The following DCC variants were observed in gnomAD, a reference collection of about 807,000 sequenced individuals.
DCC encodes DCC netrin 1 receptor.
A neutral mutation model predicts 172.5 loss-of-function variants in DCC; 58 were observed. The observed-to-expected ratio is 0.34, with a 90% CI of 0.27 to 0.42. The LOEUF (loss-of-function observed/expected upper bound fraction) is 0.42. Ranked by LOEUF, DCC falls within the 10% of genes least tolerant of loss-of-function variation. The probability of loss-of-function intolerance (pLI) is 1.00; values close to 1 mark genes in which losing one functional copy is unlikely to be tolerated. For synonymous variants in DCC, 709 were observed against 644.5 expected (o/e 1.10, Z -1.52); for missense variants, 1,740 against 1,791.0 (o/e 0.97, Z 0.51).
At chr18:52,956,858 T>C (rs934710825) in intron 5 of DCC, among the ~76,000 whole-genome samples, 4 of 152,154 alleles carry the variant, frequency 2.6e-5, no homozygotes, top group African/African-American at 4.8e-5. Flanking sequence ...TCTATAAAGC[T>C]CAAATTTGAT....
rs147849962 is a variant in DCC, at chr18:53,209,713, C to T, written c.1861+1896C>T. Reference sequence around the variant, plus strand: ...TCCAATTCTGTTATTGAAGACAGAACAGAATATTTATTGGTAGAATAAATT... The same window carrying T: ...TCCAATTCTGTTATTGAAGACAGAATAGAATATTTATTGGTAGAATAAATT... On this transcript the variant is annotated intron_variant, in intron 11 of 28. Coordinates refer to ENST00000442544, the MANE Select transcript of DCC (RefSeq NM_005215.4). 3.3e-5 allele frequency among the ~76,000 whole-genome samples: 5 copies of T among 152,182 alleles called. No individual in the cohort carries two copies. The East Asian group carries it at 9.6e-4, about 29-fold the overall frequency.
At chr18:52,689,689 T>C (rs887028418) in intron 1 of DCC, among the ~76,000 whole-genome samples, 1 of 152,100 alleles carries the variant, frequency 6.6e-6, no homozygotes, top group Admixed American at 6.6e-5. Context: ...TTAGAAAATA[T>C]AGAAATAAAT....
intron 1 of DCC, among the ~76,000 whole-genome samples, chr18:52,617,859 T>C (rs185598024): frequency 2.2e-4 from 34 of 152,194 alleles, no homozygotes; most frequent in Non-Finnish European, 4.4e-4. Context: ...CCATAGGATT[T>C]AATGGACTTC....
At position 53,015,292 on chromosome 18, in the gene DCC, G is replaced by A. The variant is rs150413243; in HGVS notation, c.986-48013G>A. ...ATCTGACCAGCTGGCTAAAATCTTG[G>A]AACAGAGAGTTTTAGAATGAACATA... is the stretch of plus-strand genomic sequence containing the variant. On this transcript the variant is annotated intron_variant, in intron 5 of 28. Coordinates refer to ENST00000442544, the MANE Select transcript of DCC (RefSeq NM_005215.4). Among the ~76,000 whole-genome samples the A allele has an allele frequency of 5.1e-3, 780 of 152,282 alleles. 2 individuals are homozygous for A. Among genetic ancestry groups the A allele is most frequent in the Non-Finnish European group, 8.2e-3 (556 of 68,000 alleles).
chr18:52,795,925 T>C (rs1277901102), intron 2 of DCC, among the ~76,000 whole-genome samples: 2 of 152,070 alleles, frequency 1.3e-5, no homozygotes, highest in African/African-American at 4.8e-5. Context: ...TATTGTTCAA[T>C]AATGTTATTG....
intron 5 of DCC, among the ~76,000 whole-genome samples, chr18:53,000,585 CTTTT>C (rs71175543): frequency 1.7e-3 from 173 of 99,040 alleles, no homozygotes; most frequent in Middle Eastern, 5.3e-3. Flanking sequence ...AGCTTACATT[CTTTT>C]TTTTTTTTTT....
Position 52,565,470 on chromosome 18 carries a change from G to A in DCC, c.92-186584G>A, listed in dbSNP as rs139982210. ...ACACTCCCACCAACAGTGTAAAAGT[G>A]TTCCTATTTCTCCACATCCTCTCCA... On this transcript the variant is annotated intron_variant, in intron 1 of 28. Coordinates refer to ENST00000442544, the MANE Select transcript of DCC (RefSeq NM_005215.4). 7.9e-3 allele frequency among the ~76,000 whole-genome samples: 1,202 copies of A among 152,238 alleles called. 8 individuals are homozygous for A. The highest frequency in any genetic ancestry group is 0.013 in the Non-Finnish European group (868 of 67,998).
At chr18:52,796,007 T>C (rs756820744) in intron 2 of DCC, among the ~76,000 whole-genome samples, 4 of 151,890 alleles carry the variant, frequency 2.6e-5, no homozygotes, top group Non-Finnish European at 5.9e-5. Flanking sequence ...TTTTTCAATA[T>C]ATGACCTTGT....
chr18:53,462,933 A>G (rs984072542), intron 24 of DCC, among the ~76,000 whole-genome samples: 5 of 152,242 alleles, frequency 3.3e-5, no homozygotes, highest in African/African-American at 9.6e-5. Flanking sequence ...GCACTCTACC[A>G]CTGGCCCTCT....
chr18:53,358,984 C>T (rs897149196), intron 15 of DCC, among the ~76,000 whole-genome samples: 3 of 152,046 alleles, frequency 2.0e-5, no homozygotes. Context: ...GAAGATTTTT[C>T]CTAGAAATGT....
At chr18:53,166,518 C>A (rs965490401) in intron 8 of DCC, among the ~76,000 whole-genome samples, 1 of 152,132 alleles carries the variant, frequency 6.6e-6, no homozygotes, top group Non-Finnish European at 1.5e-5. Context: ...TGTGGATAGA[C>A]GCTGAAACTA....
intron 7 of DCC, among the ~76,000 whole-genome samples, chr18:53,117,125 T>C (rs570615346): frequency 1.3e-5 from 2 of 151,850 alleles, no homozygotes; most frequent in East Asian, 3.9e-4. Context: ...ATTTAAAACA[T>C]TCTCCATTGA....
chr18:53,342,535 AG>A (rs1161614158), intron 15 of DCC, among the ~76,000 whole-genome samples: 7 of 151,456 alleles, frequency 4.6e-5, no homozygotes, highest in Non-Finnish European at 1.0e-4. Context: ...GTACATTAAA[AG>A]TGTACTTTTT....
chr18:52,482,815 C>G (rs965400340), intron 1 of DCC, among the ~76,000 whole-genome samples: 2 of 152,094 alleles, frequency 1.3e-5, no homozygotes, highest in Non-Finnish European at 2.9e-5. Context: ...TCTCTCTTCA[C>G]CTCCATCCTA....
chr18:52,758,271 T>C (rs1012704794), intron 2 of DCC, among the ~76,000 whole-genome samples: 1 of 152,182 alleles, frequency 6.6e-6, no homozygotes, highest in Non-Finnish European at 1.5e-5. Flanking sequence ...AATTTGGTAA[T>C]CTTTTATCTT....
chr18:53,452,985 A>C (rs909300616), intron 23 of DCC, among the ~76,000 whole-genome samples: 1 of 151,948 alleles, frequency 6.6e-6, no homozygotes, highest in African/African-American at 2.4e-5. Context: ...GTGCAATCTC[A>C]GCTCACTGCA....
chr18:53,463,612 A>G (rs185335886), intron 24 of DCC, among the ~76,000 whole-genome samples: 6 of 152,284 alleles, frequency 3.9e-5, no homozygotes, highest in Non-Finnish European at 8.8e-5. Flanking sequence ...AATCTTCACA[A>G]AATACTTTGA....
At chr18:53,198,169 A>G (rs1228087694) in intron 9 of DCC, among the ~76,000 whole-genome samples, 1 of 152,172 alleles carries the variant, frequency 6.6e-6, no homozygotes, top group Non-Finnish European at 1.5e-5. Flanking sequence ...TTCACAACCA[A>G]AAGAAACCAG....
At chr18:52,367,524 A>C (rs1984933866) in intron 1 of DCC, among the ~76,000 whole-genome samples, 1 of 152,170 alleles carries the variant, frequency 6.6e-6, no homozygotes, top group Non-Finnish European at 1.5e-5. Flanking sequence ...ATTTGATCTA[A>C]TCTCAACTTC....
Sources: allele counts gnomAD v4.1 joint callset (sites outside exome capture counted in the v4.1 genomes callset), GRCh38; gene constraint gnomAD v4.1.1; transcripts MANE v1.5; gene names NCBI Gene and HGNC (gene_info 2026-07-23, HGNC 2026-07-21).